BOP1: variants seen among roughly 807,000 people sequenced by gnomAD.
BOP1 encodes ribosome biogenesis protein BOP1.
In BOP1, 54 loss-of-function variants were observed where a neutral mutation model predicts 82.9. That is an observed-to-expected ratio of 0.65 (90% CI 0.52 to 0.82). The LOEUF (loss-of-function observed/expected upper bound fraction) is 0.82. BOP1 is among the 40% of genes least tolerant of loss of function. The pLI is 0.00. For synonymous variants in BOP1, 566 were observed against 451.1 expected, an observed-to-expected ratio of 1.25 and a Z score of -3.23; for missense variants, 1,170 against 1,072.0, an observed-to-expected ratio of 1.09 and a Z score of -1.28.
At chr8:144,279,310 G>C (rs879948525) in intron 2 of BOP1, among the ~76,000 whole-genome samples, 2 of 150,882 alleles carry the variant, frequency 1.3e-5, no homozygotes, top group Admixed American at 1.3e-4. Context: ...ACCACCATGG[G>C]CCCTGACGAT....
At chr8:144,287,248 G>A (rs1554839577) in intron 2 of BOP1, among the ~76,000 whole-genome samples, 1 of 152,206 alleles carries the variant, frequency 6.6e-6, no homozygotes, top group Admixed American at 6.5e-5. Context: ...GAGCTCAGGT[G>A]ATCCATCCAC....
chr8:144,269,559 AG>A (rs1187013894), intron 3 of BOP1, among the ~76,000 whole-genome samples: 1 of 152,214 alleles, frequency 6.6e-6, no homozygotes, highest in African/African-American at 2.4e-5. Context: ...TAAGGGCTAG[AG>A]GGGGGCTGAG....
At chr8:144,280,992 TC>T in intron 2 of BOP1, among the ~76,000 whole-genome samples, 2 of 150,766 alleles carry the variant, frequency 1.3e-5, no homozygotes, top group African/African-American at 4.9e-5. Context: ...TCTTCGGCCT[TC>T]TCTCACTTTC....
At chr8:144,267,567 G>C (rs1230228662) in intron 3 of BOP1, among the ~76,000 whole-genome samples, 10 of 152,280 alleles carry the variant, frequency 6.6e-5, no homozygotes, top group African/African-American at 2.4e-4. Context: ...AGGCAAGAGA[G>C]GAAGGACCCC....
intron 2 of BOP1, among the ~76,000 whole-genome samples, chr8:144,282,135 C>A (rs902942783): frequency 6.6e-6 from 1 of 152,206 alleles, no homozygotes; most frequent in Admixed American, 6.5e-5. Context: ...CCCGCGCTGC[C>A]GTGTGCTGCT....
chr8:144,263,438 T>C, intron 11 of BOP1, 37 bp from the exon 12 acceptor site: 1 of 1,597,748 alleles, frequency 6.3e-7, no homozygotes, highest in Non-Finnish European at 8.5e-7. Flanking sequence ...CTAAGCACAG[T>C]GCCACCCCTG....
intron 2 of BOP1, among the ~76,000 whole-genome samples, chr8:144,280,507 C>T (rs1845651293): frequency 1.3e-5 from 2 of 152,276 alleles, no homozygotes; most frequent in Non-Finnish European, 2.9e-5. Context: ...CTGGCGGGAT[C>T]CCCTGCCCAA....
chr8:144,274,505 C>T (rs1845539838), intron 3 of BOP1, among the ~76,000 whole-genome samples: 1 of 152,238 alleles, frequency 6.6e-6, no homozygotes, highest in Admixed American at 6.5e-5. Flanking sequence ...GGCAGATGCG[C>T]ACTTCTCTGG....
At chr8:144,288,476 C>A (rs1814944747) in intron 2 of BOP1, among the ~76,000 whole-genome samples, 1 of 151,776 alleles carries the variant, frequency 6.6e-6, no homozygotes, top group African/African-American at 2.4e-5. Context: ...TGCAGTGAGC[C>A]AAGATCACAC....
chr8:144,286,334 G>A (rs1391028637), intron 2 of BOP1, among the ~76,000 whole-genome samples: 2 of 151,782 alleles, frequency 1.3e-5, no homozygotes, highest in South Asian at 2.1e-4. Context: ...ATGCACGGGC[G>A]CCATGGCAGG....
chr8:144,289,422 A>G, intron 1 of BOP1, 118 bp from the exon 2 acceptor site: 1 of 1,019,940 alleles, frequency 9.8e-7, no homozygotes, highest in Non-Finnish European at 1.5e-6. Flanking sequence ...TGTGGCCTCC[A>G]GGACCACACC....
intron 3 of BOP1, among the ~76,000 whole-genome samples, chr8:144,269,212 C>T (rs1845448774): frequency 1.3e-5 from 2 of 152,248 alleles, no homozygotes; most frequent in African/African-American, 4.8e-5. Flanking sequence ...GTGACAATTA[C>T]CATTGAGTGG....
chr8:144,289,115 T>C lies in BOP1; in HGVS notation c.289A>G (p.Thr97Ala). The change falls in exon 2 of 16, where the codon ACC becomes GCC. Residue 97 changes from threonine to alanine, a missense_variant. By Grantham distance (58) the Thr-to-Ala change is moderately conservative. Coordinates refer to ENST00000569669, the MANE Select transcript of BOP1 (RefSeq NM_015201.5). ...DDEGHSGIKK[T>A]TEEQVQASTP... ...CCCACCTGCACCTGCTCCTCAGTGG[T>C]CTTTTTAATCCCACTGTGGCCCTCG... 1.2e-6 allele frequency: 2 copies of C among 1,614,122 alleles called. No homozygotes were observed. The highest frequency in any genetic ancestry group is 1.7e-6 in the Non-Finnish European group (2 of 1,180,022).
At chr8:144,280,758 G>A (rs939803391) in intron 2 of BOP1, among the ~76,000 whole-genome samples, 3 of 152,120 alleles carry the variant, frequency 2.0e-5, no homozygotes, top group African/African-American at 2.4e-5. Context: ...TGAGGCAGGA[G>A]AAAGAACTGC....
intron 2 of BOP1, among the ~76,000 whole-genome samples, chr8:144,277,495 G>T (rs922896823): frequency 6.6e-6 from 1 of 152,226 alleles, no homozygotes; most frequent in African/African-American, 2.4e-5. Flanking sequence ...CTGGGCTCCC[G>T]ACCCCTCACA....
chr8:144,267,487 G>GT (rs2130212849), intron 3 of BOP1, among the ~76,000 whole-genome samples: 1 of 152,390 alleles, frequency 6.6e-6, no homozygotes, highest in South Asian at 2.1e-4. Context: ...CCAGGCCGCT[G>GT]CAAGCTTCCC....
intron 2 of BOP1, among the ~76,000 whole-genome samples, chr8:144,284,003 G>A (rs1814790013): frequency 6.6e-6 from 1 of 152,200 alleles, no homozygotes; most frequent in African/African-American, 2.4e-5. Flanking sequence ...TGTAATCCCG[G>A]CTACTCAGGA....
chr8:144,278,070 C>G (rs1228960385), intron 2 of BOP1, among the ~76,000 whole-genome samples: 1 of 152,228 alleles, frequency 6.6e-6, no homozygotes, highest in Non-Finnish European at 1.5e-5. Flanking sequence ...CAGCACCACC[C>G]GCAGTGTGCG....
chr8:144,262,103 C>CA lies in BOP1; in HGVS notation c.*60dup. 1 of 1,607,690 alleles carries CA rather than the reference C, an allele frequency of 6.2e-7. No homozygotes were observed. Among genetic ancestry groups the CA allele is most frequent in the Non-Finnish European group, 8.5e-7 (1 of 1,178,398 alleles). ...TCAAGAAGGTGGGAGCACCAGGCAG[C>CA]ACAGGGTAAAGGCTCTGTTGACTTC... On this transcript the variant is annotated 3_prime_UTR_variant, in exon 16 of 16. Transcript: ENST00000569669.
Sources: gnomAD v4.1 joint callset for allele counts (sites outside exome capture counted in the v4.1 genomes callset) on GRCh38, gnomAD v4.1.1 for gene constraint, MANE v1.5 for transcripts, NCBI Gene and HGNC (gene_info 2026-07-23, HGNC 2026-07-21) for gene names.